Variants in SNX18 observed in about 807,000 individuals in gnomAD.
The protein encoded by SNX18 is sorting nexin-18.
A neutral mutation model predicts 48.7 loss-of-function variants in SNX18; 35 were observed. The observed-to-expected ratio is 0.72, with a 90% CI of 0.55 to 0.95. The LOEUF (loss-of-function observed/expected upper bound fraction) is 0.95, where lower values mean the gene tolerates loss of function less well. Ranked by LOEUF, SNX18 falls within the 40% of genes least tolerant of loss-of-function variation. The probability of loss-of-function intolerance (pLI) is 0.00; values close to 1 mark genes in which losing one functional copy is unlikely to be tolerated. For missense variants in SNX18, 824 were observed against 871.0 expected (o/e 0.95, Z 0.68); for synonymous variants, 492 against 384.7 (o/e 1.28, Z -3.26).
intron 1 of SNX18, among the ~76,000 whole-genome samples, chr5:54,527,675 T>G (rs1321640902): frequency 1.3e-5 from 2 of 152,218 alleles, no homozygotes; most frequent in Non-Finnish European, 2.9e-5. Flanking sequence ...ATTGTAGTCC[T>G]TTTGTGAATA....
chr5:54,629,805 G>A, the SNX18 span, among the ~76,000 whole-genome samples: 17,681 of 152,148 alleles, frequency 0.12, 1,097 homozygotes, highest in Middle Eastern at 0.14. Flanking sequence ...TTATAGATTA[G>A]AACTAAAAGA....
the SNX18 span, among the ~76,000 whole-genome samples, chr5:54,567,593 G>A: frequency 6.6e-6 from 1 of 152,190 alleles, no homozygotes; most frequent in Non-Finnish European, 1.5e-5. Context: ...GAGGGAGCTG[G>A]AAGGAAATGC....
rs983668537 is a variant in SNX18, at chr5:54,541,937, C to T, written c.1622-1242C>T. On this transcript the variant is annotated intron_variant, in intron 1 of 1. Transcript: ENST00000381410. ...TCACTATTGGGCAAAACAACATTTCCGAAACAAAGTCTCTCAGTTTCTGTA... is the reference window on the plus strand; with the variant it reads ...TCACTATTGGGCAAAACAACATTTCTGAAACAAAGTCTCTCAGTTTCTGTA... 2.0e-5 allele frequency among the ~76,000 whole-genome samples: 3 copies of T among 152,170 alleles called. No individual in the cohort carries two copies. In the South Asian group the frequency reaches 6.2e-4, roughly 31 times the overall value.
the SNX18 span, among the ~76,000 whole-genome samples, chr5:54,603,816 G>C: frequency 6.6e-6 from 1 of 152,074 alleles, no homozygotes; most frequent in Non-Finnish European, 1.5e-5. Context: ...AACAAAGAAT[G>C]GATATTTTCT....
At chr5:54,644,881 A>G in the SNX18 span, 1 of 152,270 alleles carries the variant, frequency 6.6e-6, no homozygotes, top group Non-Finnish European at 1.5e-5. Flanking sequence ...TCTGGACTTA[A>G]CTTTCAGGAA....
At chr5:54,594,452 G>A in the SNX18 span, among the ~76,000 whole-genome samples, 25 of 152,284 alleles carry the variant, frequency 1.6e-4, no homozygotes, top group Admixed American at 1.6e-3. Flanking sequence ...GCTCTTGGAT[G>A]GTGTCTGGGA....
At chr5:54,580,052 C>G in the SNX18 span, among the ~76,000 whole-genome samples, 3 of 151,852 alleles carry the variant, frequency 2.0e-5, no homozygotes, top group Non-Finnish European at 1.5e-5. Context: ...TTAGGTTACA[C>G]TGGCTGAAGT....
the SNX18 span, among the ~76,000 whole-genome samples, chr5:54,618,936 C>T: frequency 6.7e-6 from 1 of 149,464 alleles, no homozygotes; most frequent in Admixed American, 6.8e-5. Context: ...AGTTTAATAT[C>T]TGAAAAGTAG....
the SNX18 span, chr5:54,643,422 CA>C: frequency 1.3e-5 from 2 of 152,084 alleles, no homozygotes; most frequent in Admixed American, 6.6e-5. Context: ...ATACTTAGCA[CA>C]CAAATAGATT....
At chr5:54,596,296 G>A in the SNX18 span, among the ~76,000 whole-genome samples, 456 of 152,168 alleles carry the variant, frequency 3.0e-3, 3 homozygotes, top group East Asian at 0.014. Context: ...GTGTCCTCCC[G>A]TCTGAGGGCC....
the SNX18 span, among the ~76,000 whole-genome samples, chr5:54,581,754 T>C: frequency 3.3e-5 from 5 of 152,238 alleles, no homozygotes; most frequent in Admixed American, 6.5e-5. Context: ...CCTCAAATCA[T>C]CCTCTTTATC....
the SNX18 span, among the ~76,000 whole-genome samples, chr5:54,605,613 C>A: frequency 6.6e-6 from 1 of 152,102 alleles, no homozygotes; most frequent in Non-Finnish European, 1.5e-5. Context: ...ATTATTTTAA[C>A]ATAATCAACA....
At chr5:54,626,424 A>G in the SNX18 span, among the ~76,000 whole-genome samples, 5 of 152,176 alleles carry the variant, frequency 3.3e-5, no homozygotes, top group Middle Eastern at 6.8e-3. Context: ...CCAGAGTGCT[A>G]GGATTACAGG....
chr5:54,559,096 A>T, the SNX18 span, among the ~76,000 whole-genome samples: 1 of 152,234 alleles, frequency 6.6e-6, no homozygotes, highest in Non-Finnish European at 1.5e-5. Context: ...ATGGAAAAAC[A>T]TTCCATGCTC....
Position 54,545,253 on chromosome 5 carries a change from C to G in SNX18, c.*1821C>G, listed in dbSNP as rs1372442429. On this transcript the variant is annotated 3_prime_UTR_variant, in exon 2 of 2. Transcript: ENST00000381410. ...TGATTGCAAAATACAGTTCTATAAACAAAACCCATATGTATATATAAATGT... is the reference window on the plus strand; with the variant it reads ...TGATTGCAAAATACAGTTCTATAAAGAAAACCCATATGTATATATAAATGT... 1 of 152,102 alleles carries G rather than the reference C, an allele frequency of 6.6e-6. No homozygotes were observed. Among genetic ancestry groups the G allele is most frequent in the African/African-American group, 2.4e-5 (1 of 41,418 alleles). 9.4% of individuals were successfully genotyped at this position (152,102 alleles called of 1,614,324 possible). A position where few individuals can be genotyped will look rare whatever the true frequency, so the allele number is the denominator to read the frequency against.
At chr5:54,564,975 C>T in the SNX18 span, among the ~76,000 whole-genome samples, 241 of 152,364 alleles carry the variant, frequency 1.6e-3, no homozygotes, top group Non-Finnish European at 2.8e-3. Context: ...CTTCTTGAGG[C>T]TGCTCATGTC....
At chr5:54,626,370 C>T in the SNX18 span, among the ~76,000 whole-genome samples, 188 of 152,072 alleles carry the variant, frequency 1.2e-3, no homozygotes, top group African/African-American at 3.2e-3. Context: ...TTGCCTAGGC[C>T]GGTCTCAAAC....
the SNX18 span, among the ~76,000 whole-genome samples, chr5:54,634,906 TTAAC>T: frequency 0.052 from 7,911 of 152,274 alleles, 278 homozygotes; most frequent in Non-Finnish European, 0.081. Flanking sequence ...GCACTGGAAA[TTAAC>T]TAACTGAATT....
chr5:54,523,890 C>T (rs1264511389), intron 1 of SNX18, among the ~76,000 whole-genome samples: 2 of 152,230 alleles, frequency 1.3e-5, no homozygotes, highest in Non-Finnish European at 2.9e-5. Flanking sequence ...GTCTGCTCCC[C>T]ATTCTCCTGT....
Sources: allele counts gnomAD v4.1 joint callset (sites outside exome capture counted in the v4.1 genomes callset), GRCh38; gene constraint gnomAD v4.1.1; transcripts MANE v1.5; gene names NCBI Gene and HGNC (gene_info 2026-07-23, HGNC 2026-07-21).